Variants in HMGXB3 observed in about 807,000 individuals in gnomAD.
The protein encoded by HMGXB3 is HMG domain-containing protein 3.
A neutral mutation model predicts 121.5 loss-of-function variants in HMGXB3; 45 were observed. That is an observed-to-expected ratio of 0.37 (90% CI 0.29 to 0.47). The LOEUF is 0.47. Among genes scored for constraint, HMGXB3 ranks in the 20% least tolerant of loss-of-function variants. The probability of loss-of-function intolerance (pLI) is 0.99; values close to 1 mark genes in which losing one functional copy is unlikely to be tolerated. For synonymous variants in HMGXB3, 590 were observed against 624.1 expected, an observed-to-expected ratio of 0.95 and a Z score of 0.81; for missense variants, 1,376 against 1,602.2, an observed-to-expected ratio of 0.86 and a Z score of 2.41.
At chr5:150,051,293 A>G (rs1189122359) in intron 19 of HMGXB3, among the ~76,000 whole-genome samples, 3 of 152,208 alleles carry the variant, frequency 2.0e-5, no homozygotes, top group Non-Finnish European at 4.4e-5. Flanking sequence ...GAAGAATAAC[A>G]AAGGTTGAGT....
intron 9 of HMGXB3, among the ~76,000 whole-genome samples, chr5:150,028,559 A>ATATT (rs1375655538): frequency 5.7e-4 from 22 of 38,892 alleles, no homozygotes; most frequent in African/African-American, 1.0e-3. Flanking sequence ...ATATATATAT[A>ATATT]TTTTTTTTTT....
intron 3 of HMGXB3, among the ~76,000 whole-genome samples, chr5:150,008,071 A>T (rs983990315): frequency 1.7e-4 from 26 of 150,876 alleles, no homozygotes; most frequent in African/African-American, 2.7e-4. Flanking sequence ...ACACACACAC[A>T]CACACACACA....
At chr5:150,049,058 A>G (rs1389598658) in intron 18 of HMGXB3, among the ~76,000 whole-genome samples, 1 of 152,208 alleles carries the variant, frequency 6.6e-6, no homozygotes. Flanking sequence ...AGTAACAGGG[A>G]GGAACCTGCT....
At position 150,050,170 on chromosome 5, in the gene HMGXB3, G is replaced by A. The variant is rs73275603; in HGVS notation, c.3202-82G>A. 0.013 allele frequency: 15,934 copies of A among 1,228,462 alleles called. 1,347 individuals carry two copies. The African/African-American group carries it at 0.2, about 15-fold the overall frequency. The allele number at this position is 1,228,462 out of a possible 1,614,324, so 76.1% of individuals were successfully genotyped here. A position where few individuals can be genotyped will look rare whatever the true frequency, so the allele number is the denominator to read the frequency against. Reference sequence around the variant, plus strand: ...CCTGAAGCTGATTGCTCATCTTCCTGGGAAGAAGCGAGTGAGAACTGTACA... The same window carrying A: ...CCTGAAGCTGATTGCTCATCTTCCTAGGAAGAAGCGAGTGAGAACTGTACA... On this transcript the variant is annotated intron_variant, in intron 18 of 19. Transcript: ENST00000502717.
chr5:150,004,925 T>C lies in HMGXB3; in HGVS notation c.73T>C (p.Ser25Pro). Residue 25 changes from serine (S) to proline (P), a missense_variant, in exon 2 of 20, where the codon TCT becomes CCT. Physicochemically the swap from Ser to Pro is moderately conservative, Grantham distance 74. This residue lies in a region of HMGXB3 where 1,116 missense variants were observed against 1,369.0 expected (regional missense o/e 0.82). Coordinates refer to ENST00000502717, the MANE Select transcript of HMGXB3 (RefSeq NM_014983.3). ...EEIEEAYCYT[S>P]PGPPKKKKKY... is the part of the protein sequence containing the mutation. Reference sequence around the variant, plus strand: ...AATTGAGGAAGCCTATTGTTACACCTCTCCTGGGCCACCCAAGAAGAAGAA... The same window carrying C: ...AATTGAGGAAGCCTATTGTTACACCCCTCCTGGGCCACCCAAGAAGAAGAA... 1 of 1,551,754 alleles carries C rather than the reference T, an allele frequency of 6.4e-7. No homozygotes were observed. The highest frequency in any genetic ancestry group is 8.7e-7 in the Non-Finnish European group (1 of 1,146,956).
At chr5:150,022,817 C>CTTTT (rs11388244) in intron 6 of HMGXB3, among the ~76,000 whole-genome samples, 6 of 119,912 alleles carry the variant, frequency 5.0e-5, no homozygotes, top group Admixed American at 1.8e-4. Context: ...GTTACTGGCT[C>CTTTT]TTTTTTTTTT....
At chr5:150,033,555 T>C (rs1756429932) in intron 11 of HMGXB3, among the ~76,000 whole-genome samples, 1 of 151,818 alleles carries the variant, frequency 6.6e-6, no homozygotes, top group Non-Finnish European at 1.5e-5. Context: ...GGAGATGGCG[T>C]GGGGGCATGG....
chr5:150,010,750 G>A (rs1227093081), intron 4 of HMGXB3, 142 bp downstream of exon 4: 6 of 862,220 alleles, frequency 7.0e-6, no homozygotes, highest in African/African-American at 3.4e-5. Context: ...TCTTGAATGT[G>A]TCTTGCCCCT....
chr5:150,022,171 G>T (rs1333276656), intron 6 of HMGXB3, among the ~76,000 whole-genome samples: 1 of 152,104 alleles, frequency 6.6e-6, no homozygotes, highest in Non-Finnish European at 1.5e-5. Context: ...TGTGGCCCAG[G>T]GAAGCCAAAA....
At chr5:150,050,824 C>T (rs1327266653) in intron 19 of HMGXB3, among the ~76,000 whole-genome samples, 2 of 152,204 alleles carry the variant, frequency 1.3e-5, no homozygotes, top group Non-Finnish European at 2.9e-5. Context: ...TTTGAGGCCA[C>T]AGTATATCAC....
At chr5:150,008,568 G>A (rs1356147633) in intron 3 of HMGXB3, among the ~76,000 whole-genome samples, 3 of 152,200 alleles carry the variant, frequency 2.0e-5, no homozygotes, top group African/African-American at 7.2e-5. Flanking sequence ...CAGACTGCCT[G>A]GTGTGATGGG....
intron 5 of HMGXB3, 124 bp from the exon 6 acceptor site, chr5:150,018,442 A>G (rs1756008181): frequency 4.1e-6 from 3 of 728,824 alleles, no homozygotes; most frequent in Non-Finnish European, 6.0e-6. Context: ...CTGACCTTTT[A>G]TGATATGATT....
chr5:150,037,076 C>A, intron 12 of HMGXB3, 139 bp downstream of exon 12: 1 of 801,196 alleles, frequency 1.2e-6, no homozygotes, highest in Non-Finnish European at 2.0e-6. Flanking sequence ...TTTCTGATTG[C>A]TGAAAGTAAA....
At chr5:150,036,959 C>T (rs183590382) in intron 12 of HMGXB3, 22 bp downstream of exon 12, 18 of 1,529,430 alleles carry the variant, frequency 1.2e-5, no homozygotes, top group Non-Finnish European at 1.4e-5. Context: ...TTAACTCTGC[C>T]CCTAGCTACC....
At chr5:150,037,309 T>G in intron 12 of HMGXB3, 91 bp from the exon 13 acceptor site, 1,313 of 1,263,768 alleles carry the variant, frequency 1.0e-3, no homozygotes, top group Non-Finnish European at 1.3e-3. Context: ...CTCCAGCAAA[T>G]GAGAATTTGC....
chr5:150,050,229 G>GC lies in HMGXB3; in HGVS notation c.3202-17dup, dbSNP rs772680981. Reference sequence around the variant, plus strand: ...AGACTGGCTTCCTAATTAACCCTGCGCCCCCCACCCTTCATCTCCCAGGTG... The same window carrying GC: ...AGACTGGCTTCCTAATTAACCCTGCGCCCCCCCACCCTTCATCTCCCAGGTG... On this transcript the variant is annotated intron_variant, in intron 18 of 19. Coordinates refer to ENST00000502717, the MANE Select transcript of HMGXB3 (RefSeq NM_014983.3). 21 of 1,544,118 alleles carry GC rather than the reference G, an allele frequency of 1.4e-5. 1 individual carries two copies. The highest frequency in any genetic ancestry group is 1.3e-4 in the South Asian group (11 of 83,878).
intron 13 of HMGXB3, among the ~76,000 whole-genome samples, chr5:150,037,783 G>A (rs867891807): frequency 2.6e-5 from 4 of 152,146 alleles, no homozygotes; most frequent in South Asian, 2.1e-4. Flanking sequence ...ATAAAAAGAG[G>A]AAACAAAAAA....
At chr5:150,028,501 ATGTATGTG>A (rs1282255153) in intron 9 of HMGXB3, among the ~76,000 whole-genome samples, 11,015 of 96,644 alleles carry the variant, frequency 0.11, 1,743 homozygotes, top group African/African-American at 0.32. Flanking sequence ...ATATATATGT[ATGTATGTG>A]TGTGTGTGTG....
chr5:150,009,398 C>T (rs926787831), intron 3 of HMGXB3, among the ~76,000 whole-genome samples: 1 of 152,114 alleles, frequency 6.6e-6, no homozygotes, highest in African/African-American at 2.4e-5. Flanking sequence ...TTTTCTAAAC[C>T]TGAAGGTACT....
Sources: gnomAD v4.1 joint callset for allele counts (sites outside exome capture counted in the v4.1 genomes callset) on GRCh38, gnomAD v4.1.1 for gene constraint, gnomAD v4.1.1 regional missense constraint, MANE v1.5 for transcripts, NCBI Gene and HGNC (gene_info 2026-07-23, HGNC 2026-07-21) for gene names.